The following CACNA2D3 variants were observed in gnomAD, a reference collection of about 807,000 sequenced individuals.
The protein encoded by CACNA2D3 is calcium voltage-gated channel auxiliary subunit alpha2delta 3.
CACNA2D3 carries 60 observed loss-of-function variants against 160.6 expected under a neutral mutation model. The observed-to-expected ratio is 0.37, with a 90% CI of 0.30 to 0.46. The LOEUF (loss-of-function observed/expected upper bound fraction) is 0.46. Ranked by LOEUF, CACNA2D3 falls within the 20% of genes least tolerant of loss-of-function variation. CACNA2D3 has a pLI of 1.00. For synonymous variants in CACNA2D3, 558 were observed against 492.9 expected (o/e 1.13, Z -1.75); for missense variants, 1,205 against 1,365.0 (o/e 0.88, Z 1.85).
At chr3:54,447,603 C>T (rs1001899977) in intron 4 of CACNA2D3, among the ~76,000 whole-genome samples, 1 of 152,214 alleles carries the variant, frequency 6.6e-6, no homozygotes, top group Non-Finnish European at 1.5e-5. Context: ...TGAATGATGG[C>T]AGGAGGACAG....
intron 4 of CACNA2D3, among the ~76,000 whole-genome samples, chr3:54,428,690 A>T (rs1449052259): frequency 1.3e-5 from 2 of 152,192 alleles, no homozygotes; most frequent in Non-Finnish European, 2.9e-5. Context: ...TTAGCAAAAA[A>T]CAAATTAAAG....
chr3:54,731,896 C>T (rs149839806), intron 11 of CACNA2D3, among the ~76,000 whole-genome samples: 4 of 152,158 alleles, frequency 2.6e-5, no homozygotes, highest in East Asian at 3.9e-4. Context: ...AAAGCATCAC[C>T]GTGTAATTGA....
In CACNA2D3 at chr3:55,074,229, C is replaced by CTGACTGAGATGTTCT. The variant is rs780911177; in HGVS notation, c.*24_*38dup. ...TGACACTGACTGAGATGTTCTCTTA[C>CTGACTGAGATGTTCT]TGACTGAGATGTTCTCTTGGCATGC... is the stretch of plus-strand genomic sequence containing the variant. On this transcript the variant is annotated 3_prime_UTR_variant, in exon 38 of 38. Transcript: ENST00000474759. 9 of 1,122,288 alleles carry CTGACTGAGATGTTCT rather than the reference C, an allele frequency of 8.0e-6. No individual in the cohort carries two copies. The highest frequency in any genetic ancestry group is 1.0e-5 in the Non-Finnish European group (8 of 774,706). The allele number at this position is 1,122,288 out of a possible 1,614,324, so 69.5% of individuals were successfully genotyped here. A position where few individuals can be genotyped will look rare whatever the true frequency, so the allele number is the denominator to read the frequency against.
chr3:54,161,968 T>G (rs1030147774), intron 2 of CACNA2D3, among the ~76,000 whole-genome samples: 1 of 152,176 alleles, frequency 6.6e-6, no homozygotes, highest in African/African-American at 2.4e-5. Context: ...TCTTTGCCAT[T>G]TCTGAGATGT....
chr3:54,282,343 A>C (rs1451878809), intron 2 of CACNA2D3, among the ~76,000 whole-genome samples: 1 of 152,214 alleles, frequency 6.6e-6, no homozygotes, highest in Non-Finnish European at 1.5e-5. Flanking sequence ...CAAGCTCATG[A>C]TGCCACTTTA....
chr3:54,834,941 G>A (rs1204564894), intron 14 of CACNA2D3, among the ~76,000 whole-genome samples: 2 of 152,152 alleles, frequency 1.3e-5, no homozygotes, highest in Non-Finnish European at 2.9e-5. Flanking sequence ...GGCCTTCAAT[G>A]GATTGGATGA....
chr3:54,965,957 A>C (rs1702139642), intron 27 of CACNA2D3, among the ~76,000 whole-genome samples: 1 of 152,122 alleles, frequency 6.6e-6, no homozygotes, highest in African/African-American at 2.4e-5. Context: ...CTGCATGATT[A>C]ATGGGATGGA....
At chr3:55,063,390 G>GA (rs5849070) in intron 35 of CACNA2D3, among the ~76,000 whole-genome samples, 20,578 of 121,914 alleles carry the variant, frequency 0.17, 2,532 homozygotes, top group Admixed American at 0.32. Context: ...AAGCTTAAAA[G>GA]AAAAAAAAAA....
intron 2 of CACNA2D3, among the ~76,000 whole-genome samples, chr3:54,169,212 A>C (rs1286520020): frequency 6.6e-6 from 1 of 152,230 alleles, no homozygotes; most frequent in Non-Finnish European, 1.5e-5. Context: ...CGAAAGTATC[A>C]AGGCTGAAAT....
At chr3:54,286,437 C>T (rs1422877842) in intron 2 of CACNA2D3, among the ~76,000 whole-genome samples, 1 of 152,148 alleles carries the variant, frequency 6.6e-6, no homozygotes, top group African/African-American at 2.4e-5. Flanking sequence ...TGTGAAAAGA[C>T]CAAATCTACG....
chr3:54,133,378 C>T (rs546657172), intron 2 of CACNA2D3, among the ~76,000 whole-genome samples: 14 of 152,246 alleles, frequency 9.2e-5, no homozygotes, highest in Non-Finnish European at 1.8e-4. Flanking sequence ...ACTCTGAGTC[C>T]GCATCATGTG....
At chr3:54,984,583 T>TG (rs1194968993) in intron 29 of CACNA2D3, 25 bp from the exon 30 acceptor site, 1 of 1,427,976 alleles carries the variant, frequency 7.0e-7, no homozygotes, top group African/African-American at 1.5e-5. Context: ...GTTTTTTTGT[T>TG]TTTGTTTTTT....
intron 2 of CACNA2D3, among the ~76,000 whole-genome samples, chr3:54,236,209 C>A (rs1001085368): frequency 6.6e-6 from 1 of 152,170 alleles, no homozygotes; most frequent in Non-Finnish European, 1.5e-5. Context: ...GCTAAGCAAA[C>A]ATGACAATTA....
chr3:54,494,819 G>A (rs373939053), intron 4 of CACNA2D3, among the ~76,000 whole-genome samples: 2 of 152,200 alleles, frequency 1.3e-5, no homozygotes, highest in South Asian at 2.1e-4. Context: ...CTTACATGGC[G>A]GCAGGTGAGA....
Position 54,410,849 on chromosome 3 carries a change from G to A in CACNA2D3, c.381+24075G>A, listed in dbSNP as rs565417608. On this transcript the variant is annotated intron_variant, in intron 4 of 37. Transcript: ENST00000474759. Reference sequence around the variant, plus strand: ...CTGTAGCCACCATAAATAGTGATCCGTCTGGTCTGGACAAAGTAAATTGAA... The same window carrying A: ...CTGTAGCCACCATAAATAGTGATCCATCTGGTCTGGACAAAGTAAATTGAA... 3.9e-5 allele frequency among the ~76,000 whole-genome samples: 6 copies of A among 152,280 alleles called. No individual in the cohort carries two copies. The East Asian group carries it at 1.2e-3, about 29-fold the overall frequency.
chr3:54,810,070 G>A (rs1174739173), intron 13 of CACNA2D3, among the ~76,000 whole-genome samples: 1 of 152,192 alleles, frequency 6.6e-6, no homozygotes, highest in African/African-American at 2.4e-5. Context: ...CTGACGCATG[G>A]GTAGGGAATC....
intron 17 of CACNA2D3, among the ~76,000 whole-genome samples, chr3:54,862,055 C>T (rs1526582): frequency 0.75 from 113,894 of 152,146 alleles, 42,820 homozygotes; most frequent in Admixed American, 0.82. Context: ...GTCGAGAAGA[C>T]GGACCAATGA....
intron 27 of CACNA2D3, among the ~76,000 whole-genome samples, chr3:54,937,550 G>C (rs540057267): frequency 3.3e-5 from 5 of 152,152 alleles, no homozygotes; most frequent in African/African-American, 1.2e-4. Flanking sequence ...TGTTGTGCAA[G>C]GGTCAACTGT....
Position 54,562,915 on chromosome 3 carries a change from T to C in CACNA2D3, c.660T>C (p.Phe220=), listed in dbSNP as rs1702350363. ...IWQYFGSAKG[F]FRQYPGIKWE... ...AGTACTTTGGAAGTGCAAAGGGCTT[T>C]TTTAGGCAGTATCCGGGTGAGTATA... The change falls in exon 6 of 38, where the codon TTT becomes TTC. Residue 220 remains phenylalanine, a synonymous_variant. Transcript: ENST00000474759. 2 of 1,613,644 alleles carry C rather than the reference T, an allele frequency of 1.2e-6. No individual in the cohort carries two copies. Among genetic ancestry groups the C allele is most frequent in the Non-Finnish European group, 8.5e-7 (1 of 1,179,726 alleles).
Sources: allele counts gnomAD v4.1 joint callset (sites outside exome capture counted in the v4.1 genomes callset), GRCh38; gene constraint gnomAD v4.1.1; transcripts MANE v1.5; gene names NCBI Gene and HGNC (gene_info 2026-07-23, HGNC 2026-07-21).